Variants in C3orf70 observed in about 807,000 individuals in gnomAD.
The protein encoded by C3orf70 is UPF0524 protein C3orf70.
C3orf70 carries 15 observed loss-of-function variants against 20.7 expected under a neutral mutation model. The observed-to-expected ratio is 0.72, with a 90% CI of 0.48 to 1.11. C3orf70 has a LOEUF of 1.11. Ranked by LOEUF, C3orf70 falls within the 50% of genes most tolerant of loss-of-function variation. The pLI is 0.00. For missense variants in C3orf70, 332 were observed against 317.6 expected (o/e 1.05, Z -0.34); for synonymous variants, 161 against 125.7 (o/e 1.28, Z -1.88).
Position 185,146,589 on chromosome 3 carries a change from A to G in C3orf70, c.196+6039T>C, listed in dbSNP as rs568896207. Among the ~76,000 whole-genome samples the G allele has an allele frequency of 2.2e-3, 333 of 152,282 alleles. 1 individual carries two copies. Among genetic ancestry groups the G allele is most frequent in the African/African-American group, 7.7e-3 (319 of 41,568 alleles). ...AGGCGTGAGCCACCATGCCCGGCAG[A>G]ACCCTCATTCTTAGAAAAAAACTTT... On this transcript the variant is annotated intron_variant, in intron 1 of 1. Transcript: ENST00000335012.
intron 1 of C3orf70, among the ~76,000 whole-genome samples, chr3:185,145,122 G>A (rs535479119): frequency 6.6e-6 from 1 of 152,280 alleles, no homozygotes; most frequent in South Asian, 2.1e-4. Context: ...GGTTGCCGAA[G>A]GCCTGTGTTC....
chr3:185,137,316 C>A (rs1037983388), intron 1 of C3orf70, among the ~76,000 whole-genome samples: 1 of 152,136 alleles, frequency 6.6e-6, no homozygotes, highest in East Asian at 1.9e-4. Flanking sequence ...TGTAAATTGC[C>A]CAGTCTCAGG....
intron 1 of C3orf70, among the ~76,000 whole-genome samples, chr3:185,124,415 G>C (rs971662604): frequency 2.0e-5 from 3 of 152,210 alleles, no homozygotes; most frequent in African/African-American, 7.2e-5. Flanking sequence ...GAAGTTGGAA[G>C]ACTCGCACTG....
intron 1 of C3orf70, among the ~76,000 whole-genome samples, chr3:185,103,978 G>A (rs1203622739): frequency 6.6e-6 from 1 of 152,160 alleles, no homozygotes; most frequent in Non-Finnish European, 1.5e-5. Flanking sequence ...CTTTGTGCAT[G>A]CCTAGAGACA....
chr3:185,122,304 T>A (rs554251420), intron 1 of C3orf70, among the ~76,000 whole-genome samples: 2 of 152,084 alleles, frequency 1.3e-5, no homozygotes, highest in African/African-American at 2.4e-5. Flanking sequence ...AACCTAACAA[T>A]AGAGTCTCAG....
At chr3:185,134,102 G>GA (rs920122132) in intron 1 of C3orf70, among the ~76,000 whole-genome samples, 4 of 134,322 alleles carry the variant, frequency 3.0e-5, no homozygotes, top group Non-Finnish European at 6.9e-5. Context: ...AAAAGAAAAA[G>GA]AAAAAAAATA....
In C3orf70 at chr3:185,083,157, T is replaced by C. The variant is rs779472832; in HGVS notation, c.603A>G (p.Glu201=). ...GINAIGAHYV[E]SCDEDTEEGA... ...CTTCTTCTGTGTCCTCGTCACACGATTCCACATAGTGAGCCCCAATCGCAT... is the reference window on the plus strand; with the variant it reads ...CTTCTTCTGTGTCCTCGTCACACGACTCCACATAGTGAGCCCCAATCGCAT... The change falls in exon 2 of 2, where the codon GAA becomes GAG. Residue 201 remains glutamate (E), a synonymous_variant. Transcript: ENST00000335012. 2.5e-6 allele frequency: 4 copies of C among 1,614,046 alleles called. No homozygotes were observed. The African/African-American group carries it at 5.3e-5, about 22-fold the overall frequency.
At chr3:185,105,763 C>T (rs1338415706) in intron 1 of C3orf70, among the ~76,000 whole-genome samples, 4 of 152,124 alleles carry the variant, frequency 2.6e-5, no homozygotes, top group East Asian at 1.9e-4. Flanking sequence ...GTCGCTGGAG[C>T]GATGGTTGGA....
At chr3:185,091,922 T>C (rs1160300306) in intron 1 of C3orf70, among the ~76,000 whole-genome samples, 2 of 3,170 alleles carry the variant, frequency 6.3e-4, no homozygotes, top group Non-Finnish European at 1.1e-3. Context: ...CATATATATA[T>C]ATATATATAT....
At chr3:185,152,307 T>A (rs1203558829) in intron 1 of C3orf70, among the ~76,000 whole-genome samples, 1 of 152,048 alleles carries the variant, frequency 6.6e-6, no homozygotes, top group Non-Finnish European at 1.5e-5. Flanking sequence ...CCTGGACGCC[T>A]TGGTCAAAAA....
At chr3:185,117,452 GAA>G (rs1553920809) in intron 1 of C3orf70, among the ~76,000 whole-genome samples, 5,277 of 74,504 alleles carry the variant, frequency 0.071, 304 homozygotes, top group African/African-American at 0.21. Context: ...CACACACACA[GAA>G]AGAGAGAGAG....
In C3orf70 at chr3:185,112,647, G is replaced by T. The variant is rs546419603; in HGVS notation, c.197-29084C>A. Among the ~76,000 whole-genome samples the T allele has an allele frequency of 3.3e-3, 501 of 152,202 alleles. 4 individuals are homozygous for T. Among genetic ancestry groups the T allele is most frequent in the Non-Finnish European group, 4.5e-3 (306 of 68,000 alleles). ...TATGAAATATCTTTCTCACACAAAGGTATATAAGTTATTTTTGTACTCTAT... is the reference window on the plus strand; with the variant it reads ...TATGAAATATCTTTCTCACACAAAGTTATATAAGTTATTTTTGTACTCTAT... On this transcript the variant is annotated intron_variant, in intron 1 of 1. Transcript: ENST00000335012.
At chr3:185,130,772 A>T (rs1418246918) in intron 1 of C3orf70, among the ~76,000 whole-genome samples, 1 of 152,190 alleles carries the variant, frequency 6.6e-6, no homozygotes, top group Non-Finnish European at 1.5e-5. Context: ...CATCCATGTT[A>T]CTGAATGTGT....
intron 1 of C3orf70, among the ~76,000 whole-genome samples, chr3:185,134,612 C>T (rs1406399994): frequency 1.3e-5 from 2 of 152,210 alleles, no homozygotes; most frequent in South Asian, 2.1e-4. Flanking sequence ...AGCCAATGGA[C>T]CAGGGAAGGA....
chr3:185,089,143 A>C (rs1478830588), intron 1 of C3orf70, among the ~76,000 whole-genome samples: 2 of 152,244 alleles, frequency 1.3e-5, no homozygotes, highest in East Asian at 3.8e-4. Context: ...AACTGAGGCC[A>C]ACTTGCGTTA....
chr3:185,117,683 A>G (rs1292621988), intron 1 of C3orf70, among the ~76,000 whole-genome samples: 8 of 152,206 alleles, frequency 5.3e-5, no homozygotes, highest in Non-Finnish European at 7.3e-5. Context: ...ATGGTTCACA[A>G]TATCGATCAC....
chr3:185,120,736 G>A (rs1716279839), intron 1 of C3orf70, among the ~76,000 whole-genome samples: 1 of 146,018 alleles, frequency 6.8e-6, no homozygotes, highest in African/African-American at 2.6e-5. Context: ...AAAAAAAGAT[G>A]TTGGCATGGA....
At chr3:185,104,596 C>A (rs557546032) in intron 1 of C3orf70, among the ~76,000 whole-genome samples, 29 of 152,162 alleles carry the variant, frequency 1.9e-4, no homozygotes, top group African/African-American at 6.7e-4. Context: ...CAATGATAGA[C>A]TGGATAAAGA....
intron 1 of C3orf70, among the ~76,000 whole-genome samples, chr3:185,091,387 AG>A (rs1715567104): frequency 6.6e-6 from 1 of 152,170 alleles, no homozygotes; most frequent in Non-Finnish European, 1.5e-5. Flanking sequence ...TGCTAAGCCA[AG>A]GGGTTCAGAT....
Sources: allele counts gnomAD v4.1 joint callset (sites outside exome capture counted in the v4.1 genomes callset), GRCh38; gene constraint gnomAD v4.1.1; transcripts MANE v1.5; gene names NCBI Gene and HGNC (gene_info 2026-07-23, HGNC 2026-07-21).